ATCAY: variants seen among roughly 807,000 people sequenced by gnomAD.
ATCAY encodes the protein caytaxin.
A neutral mutation model predicts 47.7 loss-of-function variants in ATCAY; 22 were observed. That is an observed-to-expected ratio of 0.46 (90% CI 0.33 to 0.66). The LOEUF is 0.66. Among genes scored for constraint, ATCAY ranks in the 30% least tolerant of loss-of-function variants. The pLI is 0.02. For synonymous variants in ATCAY, 216 were observed against 207.6 expected (o/e 1.04, Z -0.35); for missense variants, 452 against 515.0 (o/e 0.88, Z 1.18).
intron 9 of ATCAY, among the ~76,000 whole-genome samples, chr19:3,914,158 C>T (rs955538299): frequency 2.1e-5 from 3 of 140,364 alleles, no homozygotes; most frequent in East Asian, 2.3e-4. Context: ...ATGGCGTGAA[C>T]CCCGGAGGCG....
At position 3,923,836 on chromosome 19, in the gene ATCAY, G is replaced by GTGGATGGA. The variant is rs533757647; in HGVS notation, c.1107-729_1107-722dup. 9.3e-3 allele frequency among the ~76,000 whole-genome samples: 1,267 copies of GTGGATGGA among 135,934 alleles called. 28 individuals carry two copies. Among genetic ancestry groups the GTGGATGGA allele is most frequent in the African/African-American group, 0.034 (1,208 of 35,206 alleles). The allele number at this position is 135,934 out of a possible 152,430, so 89.2% of individuals were successfully genotyped here. ...GATGGATGAATGGATGGGTGGGTGG[G>GTGGATGGA]TGGATGGATGGATGGATGGATGGAT... On this transcript the variant is annotated intron_variant, in intron 12 of 12. Coordinates refer to ENST00000450849, the MANE Select transcript of ATCAY (RefSeq NM_033064.5).
chr19:3,889,318 A>T (rs1026493854), intron 2 of ATCAY, among the ~76,000 whole-genome samples: 1 of 152,094 alleles, frequency 6.6e-6, no homozygotes. Flanking sequence ...GAAGCTGAGG[A>T]AGGAGAATCG....
chr19:3,892,943 T>C (rs1362908884), intron 2 of ATCAY, among the ~76,000 whole-genome samples: 1 of 152,052 alleles, frequency 6.6e-6, no homozygotes, highest in Admixed American at 6.6e-5. Context: ...GTACCGATAA[T>C]GTCCCATGTC....
Position 3,907,608 on chromosome 19 carries a change from G to A in ATCAY, c.359-126G>A, listed in dbSNP as rs770822416. ...AATGGGTCAGCAGGGCAGCCAGGTG[G>A]GGAGAAGCGAAGGACTTGTGGGTCC... On this transcript the variant is annotated intron_variant, in intron 4 of 12. Coordinates refer to ENST00000450849, the MANE Select transcript of ATCAY (RefSeq NM_033064.5). This position sits in a 1 kb window ranked among gnomAD's most constrained non-coding sequence, Gnocchi z 5.1. 38 of 1,155,592 alleles carry A rather than the reference G, an allele frequency of 3.3e-5. No homozygotes were observed. Among genetic ancestry groups the A allele is most frequent in the Admixed American group, 1.0e-4 (4 of 40,190 alleles). 71.6% of individuals were successfully genotyped at this position (1,155,592 alleles called of 1,614,324 possible).
At chr19:3,924,150 G>A (rs1280293501) in intron 12 of ATCAY, among the ~76,000 whole-genome samples, 1 of 151,224 alleles carries the variant, frequency 6.6e-6, no homozygotes, top group African/African-American at 2.4e-5. Context: ...ATGGGTGGAT[G>A]GACGGATGAG....
chr19:3,886,811 TC>T (rs2038660898), intron 2 of ATCAY, among the ~76,000 whole-genome samples: 1 of 150,476 alleles, frequency 6.6e-6, no homozygotes, highest in African/African-American at 2.4e-5. Flanking sequence ...GGTCCTGGGT[TC>T]CAGTGATTCT....
intron 2 of ATCAY, among the ~76,000 whole-genome samples, chr19:3,891,922 C>A (rs573698188): frequency 6.6e-6 from 1 of 152,220 alleles, no homozygotes; most frequent in South Asian, 2.1e-4. Flanking sequence ...CAGAGTCTCG[C>A]TGCAACGCCC....
chr19:3,920,870 C>G, intron 12 of ATCAY, 72 bp downstream of exon 12: 1 of 1,562,088 alleles, frequency 6.4e-7, no homozygotes, highest in African/African-American at 1.4e-5. Context: ...AGTCAGGGTT[C>G]TCTAGAAGGA....
intron 9 of ATCAY, 113 bp from the exon 10 acceptor site, chr19:3,917,624 GAAGAA>G: frequency 2.6e-6 from 1 of 379,424 alleles, no homozygotes; most frequent in South Asian, 3.1e-5. Context: ...AGAAGAAGAA[GAAGAA>G]AAGAAAGAAA....
Position 3,886,224 on chromosome 19 carries a change from G to A in ATCAY, c.77+380G>A, listed in dbSNP as rs564458025. On this transcript the variant is annotated intron_variant, in intron 2 of 12. Transcript: ENST00000450849. ...AGCACTTTGGGAGGCCGAGGTGGGC[G>A]GATCACTTGAGGTCAGGAGTTCGAG... 7.3e-3 allele frequency among the ~76,000 whole-genome samples: 1,111 copies of A among 152,210 alleles called. 11 individuals carry two copies. Among genetic ancestry groups the A allele is most frequent in the Non-Finnish European group, 0.01 (702 of 68,008 alleles).
intron 9 of ATCAY, among the ~76,000 whole-genome samples, chr19:3,917,317 G>C (rs2038974385): frequency 6.6e-6 from 1 of 151,834 alleles, no homozygotes; most frequent in South Asian, 2.1e-4. Context: ...GGGCGCGGTG[G>C]TTCGCGCCTG....
chr19:3,885,968 C>G, intron 2 of ATCAY, 124 bp downstream of exon 2: 1 of 893,960 alleles, frequency 1.1e-6, no homozygotes, highest in Non-Finnish European at 1.8e-6. Context: ...GTTCCATCTC[C>G]GCGTCCTCCT....
Position 3,918,839 on chromosome 19 carries a change from G to A in ATCAY, c.1035G>A (p.Arg345=). 6.2e-7 allele frequency: 1 copy of A among 1,614,018 alleles called. No individual in the cohort carries two copies. Among genetic ancestry groups the A allele is most frequent in the Non-Finnish European group, 8.5e-7 (1 of 1,179,886 alleles). ...ARPQPEFVLP[R]SEEKPEVAPV... The stretch of plus-strand genomic sequence containing the variant: ...CCCAGCCGGAGTTTGTGCTGCCCAG[G>A]TCTGAAGAGAAGCCAGAGGTGGCAC... Residue 345 remains arginine, a synonymous_variant, in exon 11 of 13, where the codon AGG becomes AGA. Coordinates refer to ENST00000450849, the MANE Select transcript of ATCAY (RefSeq NM_033064.5).
chr19:3,907,891 G>A lies in ATCAY; in HGVS notation c.516G>A (p.Arg172=). The A allele has an allele frequency of 1.2e-6, 2 of 1,613,900 alleles. No individual in the cohort carries two copies. Among genetic ancestry groups the A allele is most frequent in the East Asian group, 2.2e-5 (1 of 44,878 alleles). The change falls in exon 5 of 13, where the codon CGG becomes CGA. Residue 172 remains arginine, a synonymous_variant. Coordinates refer to ENST00000450849, the MANE Select transcript of ATCAY (RefSeq NM_033064.5). This position sits in a 1 kb window ranked among gnomAD's most constrained non-coding sequence, Gnocchi z 5.1. ...ACCGTATAGACCTGCACATGATCCG[G>A]CCTTACATGAAAGTGGTCACCCACG... ...QEHRIDLHMI[R]PYMKVVTHGG...
At chr19:3,882,090 G>C (rs968436081) in intron 1 of ATCAY, among the ~76,000 whole-genome samples, 3 of 152,024 alleles carry the variant, frequency 2.0e-5, no homozygotes, top group African/African-American at 7.2e-5. Context: ...ACAGTCCCCT[G>C]TCCCCGATGC....
intron 2 of ATCAY, among the ~76,000 whole-genome samples, chr19:3,900,893 A>G (rs1272762952): frequency 8.3e-6 from 1 of 119,974 alleles, no homozygotes; most frequent in Non-Finnish European, 1.6e-5. Context: ...GTTATCCTTC[A>G]TCTTTTTTTT....
intron 1 of ATCAY, among the ~76,000 whole-genome samples, chr19:3,885,124 A>AC (rs2038637798): frequency 6.7e-6 from 1 of 149,584 alleles, no homozygotes; most frequent in South Asian, 2.1e-4. Context: ...AAAAAAAAAA[A>AC]AAAAAAAAAA....
At chr19:3,896,830 G>A (rs62133661) in intron 2 of ATCAY, among the ~76,000 whole-genome samples, 2 of 151,824 alleles carry the variant, frequency 1.3e-5, no homozygotes, top group African/African-American at 4.8e-5. Flanking sequence ...AGGCTGGAGT[G>A]CAGTGTCACG....
Position 3,907,876 on chromosome 19 carries a change from C to T in ATCAY, c.501C>T (p.Asp167=), listed in dbSNP as rs376914878. The T allele has an allele frequency of 6.2e-7, 1 of 1,613,832 alleles. No individual in the cohort carries two copies. Among genetic ancestry groups the T allele is most frequent in the African/African-American group, 1.3e-5 (1 of 74,940 alleles). ...TCGGGGAGCAAGAGCACCGTATAGA[C>T]CTGCACATGATCCGGCCTTACATGA... is the stretch of plus-strand genomic sequence containing the variant. ...VIIGEQEHRI[D]LHMIRPYMKV... The change falls in exon 5 of 13, where the codon GAC becomes GAT. Residue 167 remains aspartate, a synonymous_variant. Transcript: ENST00000450849. This position sits in a 1 kb window ranked among gnomAD's most constrained non-coding sequence, Gnocchi z 5.1.
Sources: gnomAD v4.1 joint callset for allele counts (sites outside exome capture counted in the v4.1 genomes callset) on GRCh38, gnomAD v4.1.1 for gene constraint, Gnocchi (gnomAD v3.1) non-coding constraint, MANE v1.5 for transcripts, NCBI Gene and HGNC (gene_info 2026-07-23, HGNC 2026-07-21) for gene names.